Variants in RASGEF1C observed in about 807,000 individuals in gnomAD.
RASGEF1C encodes the protein RasGEF domain family member 1C, also known as ras-GEF domain-containing family member 1C.
A neutral mutation model predicts 58.1 loss-of-function variants in RASGEF1C; 27 were observed. The ratio of observed to expected loss-of-function variants is 0.46; its 90% CI spans 0.34 to 0.64. RASGEF1C has a LOEUF of 0.64. Among genes scored for constraint, RASGEF1C ranks in the 30% least tolerant of loss-of-function variants. The pLI, the probability that RASGEF1C is intolerant of heterozygous loss-of-function variation, is 0.01. For missense variants in RASGEF1C, 502 were observed against 605.1 expected (o/e 0.83, Z 1.79); for synonymous variants, 243 against 246.3 (o/e 0.99, Z 0.13).
Position 180,138,027 on chromosome 5 carries a change from T to TCG in RASGEF1C, c.24_25dup (p.Asp9AlafsTer39). The TCG allele has an allele frequency of 6.5e-7, 1 of 1,533,596 alleles. No individual in the cohort carries two copies. Among genetic ancestry groups the TCG allele is most frequent in the African/African-American group, 1.4e-5 (1 of 70,960 alleles). 95.0% of individuals were successfully genotyped at this position (1,533,596 alleles called of 1,614,324 possible). ...GCTGAGGCTGCCTGGGGTGACCATGTCGGAGGCACTCAGCGTCTGTGGCAT... is the reference window on the plus strand; with the variant it reads ...GCTGAGGCTGCCTGGGGTGACCATGTCGCGGAGGCACTCAGCGTCTGTGGCAT... On this transcript the variant is annotated frameshift_variant, in exon 2 of 14. Transcript: ENST00000361132. LOFTEE classifies it high-confidence loss of function.
rs1363882590 is a variant in RASGEF1C at position 180,135,035 on chromosome 5, C to T, written c.438+1343G>A. Among the ~76,000 whole-genome samples the T allele has an allele frequency of 7.3e-5, 9 of 123,284 alleles. No homozygotes were observed. In the South Asian group the frequency reaches 1.2e-3, roughly 17 times the overall value. 80.9% of individuals were successfully genotyped at this position (123,284 alleles called of 152,430 possible). ...GCCAGCCAGCACCCCATCCCGTTTC[C>T]GCTGTCCCCACCCCCCCCGTCCAAT... On this transcript the variant is annotated intron_variant, in intron 4 of 13. Coordinates refer to ENST00000361132, the MANE Select transcript of RASGEF1C (RefSeq NM_175062.4).
Position 180,155,308 on chromosome 5 carries a change from A to ATATTT in RASGEF1C, c.-6-17251_-6-17250insAAATA, listed in dbSNP as rs1404520493. ...TTGGAAGAGCCTGGAGCCTGGACAC[A>ATATTT]CATTTCATTTCCATTTGGGTCCCAT... On this transcript the variant is annotated intron_variant, in intron 1 of 13. Transcript: ENST00000361132. The surrounding 1 kb of genome is among the most constrained non-coding windows in gnomAD (Gnocchi z 5.2). Among the ~76,000 whole-genome samples, 51 of 152,234 alleles carry ATATTT rather than the reference A, an allele frequency of 3.4e-4. No homozygotes were observed. Among genetic ancestry groups the ATATTT allele is most frequent in the African/African-American group, 1.2e-3 (50 of 41,560 alleles).
intron 7 of RASGEF1C, 79 bp downstream of exon 7, chr5:180,120,981 T>G (rs1766159376): frequency 1.0e-6 from 1 of 984,520 alleles, no homozygotes; most frequent in Non-Finnish European, 1.6e-6. Flanking sequence ...GTCCTTCCGG[T>G]TCCTTCCCCC....
At chr5:180,144,936 A>G (rs1199024627) in intron 1 of RASGEF1C, among the ~76,000 whole-genome samples, 4 of 152,142 alleles carry the variant, frequency 2.6e-5, no homozygotes, top group Non-Finnish European at 1.5e-5. Flanking sequence ...TATTTCATTC[A>G]TCTTTGTCAA....
chr5:180,110,696 T>C (rs1466438247), intron 12 of RASGEF1C, among the ~76,000 whole-genome samples: 1 of 152,194 alleles, frequency 6.6e-6, no homozygotes, highest in Non-Finnish European at 1.5e-5. Context: ...AGGACAGAAA[T>C]GAATGGCACT....
At chr5:180,200,310 CTTT>C (rs762904367) in intron 1 of RASGEF1C, among the ~76,000 whole-genome samples, 16 of 90,244 alleles carry the variant, frequency 1.8e-4, no homozygotes, top group Admixed American at 4.7e-4. Context: ...GTACATCATT[CTTT>C]TTTTTTTTTT....
intron 1 of RASGEF1C, among the ~76,000 whole-genome samples, chr5:180,145,015 T>C (rs2113285780): frequency 6.6e-6 from 1 of 152,380 alleles, no homozygotes; most frequent in South Asian, 2.1e-4. Flanking sequence ...TTCCACTGCA[T>C]GCACATACCA....
At position 180,155,329 on chromosome 5, in the gene RASGEF1C, C is replaced by A. The variant is rs892120103; in HGVS notation, c.-6-17271G>T. 6.6e-6 allele frequency among the ~76,000 whole-genome samples: 1 copy of A among 152,112 alleles called. No homozygotes were observed. Among genetic ancestry groups the A allele is most frequent in the African/African-American group, 2.4e-5 (1 of 41,422 alleles). ...ACACACATTTCATTTCCATTTGGGT[C>A]CCATGAAGGACTCCTGCCTGCTCCC... On this transcript the variant is annotated intron_variant, in intron 1 of 13. Transcript: ENST00000361132. This position sits in a 1 kb window ranked among gnomAD's most constrained non-coding sequence, Gnocchi z 5.2.
rs1288601022 is a variant in RASGEF1C at position 180,111,476 on chromosome 5, G to A, written c.1284C>T (p.Ala428=). ...DASITHYLYT[A]PIFSEDGLYL... Reference sequence around the variant, plus strand: ...CCTTACCATCCTCACTGAAGATGGGGGCGGTGTACAGGTAGTGGGTGATGC... The same window carrying A: ...CCTTACCATCCTCACTGAAGATGGGAGCGGTGTACAGGTAGTGGGTGATGC... The change falls in exon 12 of 14, where the codon GCC becomes GCT. Residue 428 remains alanine, a synonymous_variant. Transcript: ENST00000361132. 6.2e-7 allele frequency: 1 copy of A among 1,614,222 alleles called. No individual in the cohort carries two copies. Among genetic ancestry groups the A allele is most frequent in the South Asian group, 1.1e-5 (1 of 91,088 alleles).
rs1765774914 is a variant in RASGEF1C, at chr5:180,101,123, T to C, written c.*378A>G. On this transcript the variant is annotated 3_prime_UTR_variant, in exon 14 of 14. Coordinates refer to ENST00000361132, the MANE Select transcript of RASGEF1C (RefSeq NM_175062.4). ...TCCCAAGCCACGTGGTGACAGACTG[T>C]GGGTGGTGGCCAAAGTGGCACATGT... 4.2e-6 allele frequency: 1 copy of C among 240,808 alleles called. No individual in the cohort carries two copies. Among genetic ancestry groups the C allele is most frequent in the Non-Finnish European group, 8.1e-6 (1 of 124,012 alleles). 14.9% of individuals were successfully genotyped at this position (240,808 alleles called of 1,614,324 possible).
intron 11 of RASGEF1C, among the ~76,000 whole-genome samples, chr5:180,113,543 C>T (rs867826644): frequency 1.5e-3 from 77 of 51,246 alleles, no homozygotes; most frequent in South Asian, 1.9e-3. Context: ...CGGGGATGGA[C>T]GGAGGGATCC....
chr5:180,175,278 C>G lies in RASGEF1C; in HGVS notation c.-7+33750G>C, dbSNP rs541060296. 2.0e-5 allele frequency among the ~76,000 whole-genome samples: 3 copies of G among 152,330 alleles called. No homozygotes were observed. The South Asian group carries it at 6.2e-4, about 32-fold the overall frequency. On this transcript the variant is annotated intron_variant, in intron 1 of 13. Coordinates refer to ENST00000361132, the MANE Select transcript of RASGEF1C (RefSeq NM_175062.4). ...TTCTGTGCAGGGCAGGCACTGGACA[C>G]CTGTGCCCACCCTCAGCATGCTCAG...
chr5:180,127,616 C>A lies in RASGEF1C; in HGVS notation c.707G>T (p.Ser236Ile). ...QAFVNKDPLA[S>I]TKPCFSDKTS... ...CCCGTAAGAGCCTCCTACCTTTGTG[C>A]TGGCCAGAGGGTCCTTGTTCACAAA... The change falls in exon 6 of 14, where the codon AGC becomes ATC. Residue 236 changes from serine (S) to isoleucine (I), a missense_variant. Physicochemically the swap from Ser to Ile is moderately radical, Grantham distance 142. Coordinates refer to ENST00000361132, the MANE Select transcript of RASGEF1C (RefSeq NM_175062.4). 2 of 1,611,866 alleles carry A rather than the reference C, an allele frequency of 1.2e-6. No homozygotes were observed. Among genetic ancestry groups the A allele is most frequent in the South Asian group, 1.1e-5 (1 of 90,880 alleles).
intron 1 of RASGEF1C, among the ~76,000 whole-genome samples, chr5:180,169,264 C>T (rs1767066045): frequency 6.6e-6 from 1 of 152,124 alleles, no homozygotes; most frequent in Admixed American, 6.5e-5. Context: ...TTTTATGAAA[C>T]AAAGTAAGCA....
intron 11 of RASGEF1C, among the ~76,000 whole-genome samples, chr5:180,112,825 G>A (rs572024031): frequency 6.6e-6 from 1 of 152,412 alleles, no homozygotes; most frequent in Non-Finnish European, 1.5e-5. Context: ...CTCGGGTGCA[G>A]TGACTGAGGA....
At chr5:180,142,435 G>A (rs1766593302) in intron 1 of RASGEF1C, among the ~76,000 whole-genome samples, 1 of 152,144 alleles carries the variant, frequency 6.6e-6, no homozygotes, top group Non-Finnish European at 1.5e-5. Flanking sequence ...ATGTTCTATA[G>A]CGTCCTTTCA....
chr5:180,208,736 G>C (rs1056409663), intron 1 of RASGEF1C, among the ~76,000 whole-genome samples: 5 of 152,132 alleles, frequency 3.3e-5, no homozygotes, highest in African/African-American at 1.2e-4. Context: ...TCTAGCGGCT[G>C]AAAGAAGCTT....
intron 7 of RASGEF1C, among the ~76,000 whole-genome samples, chr5:180,120,615 G>C (rs775750761): frequency 2.6e-5 from 4 of 152,236 alleles, no homozygotes; most frequent in Non-Finnish European, 4.4e-5. Flanking sequence ...CCAGGCTGCT[G>C]AGTGTTGGTG....
chr5:180,149,232 T>C (rs1193700720), intron 1 of RASGEF1C, among the ~76,000 whole-genome samples: 1 of 150,644 alleles, frequency 6.6e-6, no homozygotes, highest in Non-Finnish European at 1.5e-5. Context: ...GGACTACAGG[T>C]ACACACTACC....
Sources: allele counts gnomAD v4.1 joint callset (sites outside exome capture counted in the v4.1 genomes callset), GRCh38; gene constraint gnomAD v4.1.1; non-coding constraint Gnocchi (gnomAD v3.1); transcripts MANE v1.5; gene names NCBI Gene and HGNC (gene_info 2026-07-23, HGNC 2026-07-21).